Variants in PTPRU observed in about 807,000 individuals in gnomAD.
PTPRU encodes the protein receptor-type tyrosine-protein phosphatase U.
Under a neutral mutation model 166.3 loss-of-function variants are expected in PTPRU, and 69 were observed. That is an observed-to-expected ratio of 0.41 (90% CI 0.34 to 0.51). The LOEUF is 0.51. Among genes scored for constraint, PTPRU ranks in the 20% least tolerant of loss-of-function variants. The pLI is 0.09. For missense variants in PTPRU, 1,657 were observed against 2,013.7 expected (o/e 0.82, Z 3.39); for synonymous variants, 793 against 814.0 (o/e 0.97, Z 0.44).
In PTPRU at chr1:29,282,912, A is replaced by G. The variant is rs1686145866; in HGVS notation, c.2105A>G (p.Tyr702Cys). The change falls in exon 12 of 30, where the codon TAT becomes TGT. Residue 702 changes from tyrosine (Y) to cysteine (C), a missense_variant. Around this residue, in one of 3 missense-constraint regions of PTPRU, gnomAD observed 1,190 missense variants for 1,477.4 expected, o/e 0.81. Coordinates refer to ENST00000373779, the MANE Select transcript of PTPRU (RefSeq NM_133178.4). ...CCACCACTTGAGCCTAGGAAGGCCTATCTCATCTACTTCCAGGCAGCAAGC... is the reference window on the plus strand; with the variant it reads ...CCACCACTTGAGCCTAGGAAGGCCTGTCTCATCTACTTCCAGGCAGCAAGC... Reference protein sequence around the residue: ...WNPPLEPRKAYLIYFQAASHL... With the variant: ...WNPPLEPRKACLIYFQAASHL... 2 of 1,613,996 alleles carry G rather than the reference A, an allele frequency of 1.2e-6. No homozygotes were observed. The highest frequency in any genetic ancestry group is 1.7e-6 in the Non-Finnish European group (2 of 1,179,958).
At position 29,279,497 on chromosome 1, in the gene PTPRU, C is replaced by T. The variant is rs199754745; in HGVS notation, c.1605C>T (p.Asn535=). The T allele has an allele frequency of 5.6e-6, 9 of 1,614,182 alleles. No individual in the cohort carries two copies. In the East Asian group the frequency reaches 1.1e-4, roughly 20 times the overall value. ...QSIESSDPAV[N]VPGPRRTISK... is the part of the protein sequence containing the mutation. The stretch of plus-strand genomic sequence containing the variant: ...TCGAGTCATCAGACCCGGCAGTGAA[C>T]GTGCCAGGCCCACGACGTACCATCT... The change falls in exon 10 of 30, where the codon AAC becomes AAT. Residue 535 remains asparagine, a synonymous_variant. Transcript: ENST00000373779. This position sits in a 1 kb window ranked among gnomAD's most constrained non-coding sequence, Gnocchi z 5.2.
In PTPRU at chr1:29,291,812, C is replaced by T; in HGVS notation, c.2319-57C>T. The T allele has an allele frequency of 6.3e-7, 1 of 1,585,006 alleles. No individual in the cohort carries two copies. The highest frequency in any genetic ancestry group is 2.3e-5 in the East Asian group (1 of 44,202). ...TACTCCAGGGCCTCCCCAGCCACCT[C>T]TGGGTGCTGTCCAGCCCCACACAAT... is the stretch of plus-strand genomic sequence containing the variant. On this transcript the variant is annotated intron_variant, in intron 14 of 29. Coordinates refer to ENST00000373779, the MANE Select transcript of PTPRU (RefSeq NM_133178.4). This position sits in a 1 kb window ranked among gnomAD's most constrained non-coding sequence, Gnocchi z 4.1.
At chr1:29,277,600 A>G (rs1408568596) in intron 8 of PTPRU, among the ~76,000 whole-genome samples, 1 of 152,154 alleles carries the variant, frequency 6.6e-6, no homozygotes, top group Non-Finnish European at 1.5e-5. Flanking sequence ...AGTGTTCTAC[A>G]TATGTCAAAC....
chr1:29,325,111 C>T, intron 28 of PTPRU, 80 bp from the exon 29 acceptor site: 2 of 1,566,032 alleles, frequency 1.3e-6, no homozygotes, highest in Non-Finnish European at 1.7e-6. Context: ...GCTCTCTGCC[C>T]CTCCCTCGTG....
At chr1:29,292,872 G>C (rs1185755656) in intron 15 of PTPRU, among the ~76,000 whole-genome samples, 1 of 149,578 alleles carries the variant, frequency 6.7e-6, no homozygotes, top group Non-Finnish European at 1.5e-5. Flanking sequence ...CTGGAGTGCA[G>C]TGGCATGATC....
At chr1:29,321,058 CTT>C (rs2151971031) in intron 26 of PTPRU, among the ~76,000 whole-genome samples, 1 of 152,270 alleles carries the variant, frequency 6.6e-6, no homozygotes, top group African/African-American at 2.4e-5. Flanking sequence ...AGGTCTCACT[CTT>C]TTGCCCAGGC....
chr1:29,303,773 C>T, intron 15 of PTPRU, 82 bp from the exon 16 acceptor site: 1 of 1,389,998 alleles, frequency 7.2e-7, no homozygotes, highest in Non-Finnish European at 9.8e-7. Context: ...TGCCTCCCCA[C>T]CCCCATAGAC....
intron 2 of PTPRU, among the ~76,000 whole-genome samples, chr1:29,256,596 C>T (rs929154116): frequency 6.6e-6 from 1 of 152,250 alleles, no homozygotes; most frequent in African/African-American, 2.4e-5. Flanking sequence ...TGCCCCGCCT[C>T]CCCTTCTGTG....
At chr1:29,283,065 ACCTC>A in intron 12 of PTPRU, 116 bp downstream of exon 12, 7 of 1,417,194 alleles carry the variant, frequency 4.9e-6, no homozygotes, top group African/African-American at 1.4e-5. Flanking sequence ...CCATAGCCCC[ACCTC>A]CCATAGCCCC....
At chr1:29,318,307 T>C (rs1210336496) in intron 25 of PTPRU, among the ~76,000 whole-genome samples, 1 of 152,180 alleles carries the variant, frequency 6.6e-6, no homozygotes, top group Non-Finnish European at 1.5e-5. Context: ...TGGAGTCTGC[T>C]CCAGGACCAG....
intron 18 of PTPRU, among the ~76,000 whole-genome samples, chr1:29,306,239 A>G (rs891813545): frequency 1.3e-5 from 2 of 152,136 alleles, no homozygotes; most frequent in Non-Finnish European, 2.9e-5. Flanking sequence ...TGTCAAAGAG[A>G]GGTGATGAGT....
intron 13 of PTPRU, among the ~76,000 whole-genome samples, chr1:29,284,463 T>C (rs568713169): frequency 6.6e-6 from 1 of 152,200 alleles, no homozygotes; most frequent in Non-Finnish European, 1.5e-5. Flanking sequence ...CTCTCCCCTA[T>C]CCACTGAGAG....
chr1:29,255,428 A>G (rs538458950), intron 2 of PTPRU, 22 bp downstream of exon 2: 2 of 1,611,920 alleles, frequency 1.2e-6, no homozygotes, highest in East Asian at 2.2e-5. Flanking sequence ...CTCCATCGCC[A>G]TTACCCCTTC....
chr1:29,291,918 A>G lies in PTPRU; in HGVS notation c.2368A>G (p.Thr790Ala), dbSNP rs1463582375. ...KATVNYRQEK[T>A]HMMSAVDRSF... Reference sequence around the variant, plus strand: ...CACCGTCAACTACCGCCAGGAGAAGACACACATGATGAGCGCCGTGGACCG... The same window carrying G: ...CACCGTCAACTACCGCCAGGAGAAGGCACACATGATGAGCGCCGTGGACCG... The change falls in exon 15 of 30, where the codon ACA (threonine) becomes GCA (alanine). Residue 790 changes from threonine to alanine, a missense_variant. By Grantham distance (58) the Thr-to-Ala change is moderately conservative (BLOSUM62 0). Transcript: ENST00000373779. The surrounding 1 kb of genome is among the most constrained non-coding windows in gnomAD (Gnocchi z 4.1). The G allele has an allele frequency of 5.0e-6, 8 of 1,614,158 alleles. No homozygotes were observed. The highest frequency in any genetic ancestry group is 6.8e-6 in the Non-Finnish European group (8 of 1,180,018).
Position 29,260,054 on chromosome 1 carries a change from T to C in PTPRU, c.850+10T>C. On this transcript the variant is annotated intron_variant, in intron 6 of 29. Transcript: ENST00000373779. This position sits in a 1 kb window ranked among gnomAD's most constrained non-coding sequence, Gnocchi z 8.3. ...GAGCTCATCGTCAAGGGTCAGCTGGTGGACGCCGGGGAGCGCCGGGACCTC... is the reference window on the plus strand; with the variant it reads ...GAGCTCATCGTCAAGGGTCAGCTGGCGGACGCCGGGGAGCGCCGGGACCTC... The C allele has an allele frequency of 1.6e-6, 2 of 1,258,130 alleles. No individual in the cohort carries two copies. The highest frequency in any genetic ancestry group is 2.0e-6 in the Non-Finnish European group (2 of 994,908). 77.9% of individuals were successfully genotyped at this position (1,258,130 alleles called of 1,614,324 possible).
At chr1:29,302,438 C>T (rs1051364227) in intron 15 of PTPRU, among the ~76,000 whole-genome samples, 3 of 152,190 alleles carry the variant, frequency 2.0e-5, no homozygotes, top group African/African-American at 7.2e-5. Context: ...ACAGGAATGT[C>T]CTAGGCCTTC....
chr1:29,315,897 C>T lies in PTPRU; in HGVS notation c.3364-105C>T, dbSNP rs1687880395. 1.4e-6 allele frequency: 2 copies of T among 1,393,498 alleles called. No homozygotes were observed. The highest frequency in any genetic ancestry group is 2.4e-5 in the East Asian group (1 of 41,726). The allele number at this position is 1,393,498 out of a possible 1,614,324, so 86.3% of individuals were successfully genotyped here. On this transcript the variant is annotated intron_variant, in intron 23 of 29. Coordinates refer to ENST00000373779, the MANE Select transcript of PTPRU (RefSeq NM_133178.4). The surrounding 1 kb of genome is among the most constrained non-coding windows in gnomAD (Gnocchi z 4.5). ...AGCCTGTAGTAACATGGTTGGCCTC[C>T]ACCTCAGGACACCCTGCTTCAACCT... is the stretch of plus-strand genomic sequence containing the variant.
At chr1:29,278,915 T>G in intron 8 of PTPRU, 97 bp from the exon 9 acceptor site, 42 of 928,166 alleles carry the variant, frequency 4.5e-5, no homozygotes, top group Non-Finnish European at 6.0e-5. Context: ...GAATAGTCCA[T>G]GAGAACCAGG....
At chr1:29,307,749 CTTTTTTTTTTTTTTTT>C (rs201782011) in intron 18 of PTPRU, among the ~76,000 whole-genome samples, 78,071 of 122,230 alleles carry the variant, frequency 0.64, 22,762 homozygotes, top group African/African-American at 0.77. Flanking sequence ...AAATATTATG[CTTTTTTTTTTTTTTTT>C]TTTTTTTTTT....
Sources: allele counts gnomAD v4.1 joint callset (sites outside exome capture counted in the v4.1 genomes callset), GRCh38; gene constraint gnomAD v4.1.1; regional missense constraint gnomAD v4.1.1; non-coding constraint Gnocchi (gnomAD v3.1); transcripts MANE v1.5; gene names NCBI Gene and HGNC (gene_info 2026-07-23, HGNC 2026-07-21).